NOD1: variants seen among roughly 807,000 people sequenced by gnomAD.
The protein encoded by NOD1 is nucleotide-binding oligomerization domain-containing protein 1.
Under a neutral mutation model 81.2 loss-of-function variants are expected in NOD1, and 70 were observed. The observed-to-expected ratio is 0.86, with a 90% confidence interval of 0.71 to 1.05. The LOEUF (loss-of-function observed/expected upper bound fraction) is 1.05, where lower values mean the gene tolerates loss of function less well. NOD1 is among the 50% of genes least tolerant of loss of function. NOD1 has a pLI of 0.00. For missense variants in NOD1, 1,233 were observed against 1,228.0 expected (o/e 1.00, Z -0.06); for synonymous variants, 508 against 526.9 (o/e 0.96, Z 0.49).
chr7:30,469,281 A>C, intron 1 of NOD1: 2 of 970,414 alleles, frequency 2.1e-6, no homozygotes, highest in Non-Finnish European at 2.4e-6. Context: ...GAAGCTTTTT[A>C]ACTCCATTGA....
chr7:30,465,520 C>T (rs1015131611), intron 1 of NOD1, among the ~76,000 whole-genome samples: 9 of 152,200 alleles, frequency 5.9e-5, no homozygotes, highest in Non-Finnish European at 1.0e-4. Flanking sequence ...CATGAGCAGA[C>T]AAGACTAGAC....
chr7:30,425,758 TC>T (rs1562646101), intron 13 of NOD1, 48 bp from the exon 14 acceptor site: 1 of 1,287,184 alleles, frequency 7.8e-7, no homozygotes, highest in Admixed American at 1.7e-5. Context: ...ATGTTAAGGA[TC>T]CTCGCACACT....
chr7:30,428,687 C>T (rs897578815), intron 13 of NOD1: 3 of 151,762 alleles, frequency 2.0e-5, no homozygotes, highest in Non-Finnish European at 2.9e-5. Flanking sequence ...TTTTAATTGG[C>T]TATGAAATTC....
Position 30,451,409 on chromosome 7 carries a change from G to C in NOD1, c.2008C>G (p.Leu670Val). 6.2e-7 allele frequency: 1 copy of C among 1,613,956 alleles called. No homozygotes were observed. Among genetic ancestry groups the C allele is most frequent in the Non-Finnish European group, 8.5e-7 (1 of 1,180,030 alleles). The change falls in exon 6 of 14, where the codon CTG (leucine) becomes GTG (valine). Residue 670 changes from leucine to valine, a missense_variant. Coordinates refer to ENST00000222823, the MANE Select transcript of NOD1 (RefSeq NM_006092.4). This position sits in a 1 kb window ranked among gnomAD's most constrained non-coding sequence, Gnocchi z 4.2. Reference sequence around the variant, plus strand: ...TTGGCGCAGATGCCCCTGGCCGCCAGCTGCCCCACCTTCTGGCTCTGTGTC... The same window carrying C: ...TTGGCGCAGATGCCCCTGGCCGCCACCTGCCCCACCTTCTGGCTCTGTGTC... ...YETQSQKVGQ[L>V]AARGICANYL...
intron 9 of NOD1, among the ~76,000 whole-genome samples, chr7:30,445,934 CA>C (rs1173960842): frequency 6.6e-6 from 1 of 151,876 alleles, no homozygotes; most frequent in Non-Finnish European, 1.5e-5. Context: ...AGGGTGGCTG[CA>C]AGAGGCAGGG....
chr7:30,433,162 A>G lies in NOD1; in HGVS notation c.2639T>C (p.Leu880Pro), dbSNP rs775682072. ...LEILWLTQNELNDEVAESLAE... is the reference protein window; with the variant it reads ...LEILWLTQNEPNDEVAESLAE... The stretch of plus-strand genomic sequence containing the variant: ...CAAACTCTCTGCCACTTCATCGTTG[A>G]GTTCATTTTGGGTCAGCCTAAGGAA... Residue 880 changes from leucine to proline, a missense_variant, in exon 12 of 14, where the codon CTC becomes CCC. Coordinates refer to ENST00000222823, the MANE Select transcript of NOD1 (RefSeq NM_006092.4). 4.3e-6 allele frequency: 7 copies of G among 1,613,992 alleles called. No individual in the cohort carries two copies. The highest frequency in any genetic ancestry group is 1.1e-5 in the South Asian group (1 of 91,072).
In NOD1 at chr7:30,478,169, CCT is replaced by C. The variant is rs899710933; in HGVS notation, c.-352+435_-352+436del. ...CTGCAGGCGGGACTCCATGAAGGCCCCTGTCTGCCCTTCCAGCCTTTGCCACA... is the reference window on the plus strand; with the variant it reads ...CTGCAGGCGGGACTCCATGAAGGCCCGTCTGCCCTTCCAGCCTTTGCCACA... On this transcript the variant is annotated intron_variant, in intron 1 of 13. Coordinates refer to ENST00000222823, the MANE Select transcript of NOD1 (RefSeq NM_006092.4). This position sits in a 1 kb window ranked among gnomAD's most constrained non-coding sequence, Gnocchi z 4.1. Among the ~76,000 whole-genome samples the C allele has an allele frequency of 6.6e-6, 1 of 152,168 alleles. No homozygotes were observed. Among genetic ancestry groups the C allele is most frequent in the Non-Finnish European group, 1.5e-5 (1 of 68,030 alleles).
rs758361828 is a variant in NOD1 at position 30,451,744 on chromosome 7, C to T, written c.1673G>A (p.Cys558Tyr). ...CTGGAACGGGAGGAAGGGAGGATAGCAGGACGTGGTCGCTGCCCCCGCAGG... is the reference window on the plus strand; with the variant it reads ...CTGGAACGGGAGGAAGGGAGGATAGTAGGACGTGGTCGCTGCCCCCGCAGG... ...MPPAGAATTSCYPPFLPFQCL... is the reference protein window; with the variant it reads ...MPPAGAATTSYYPPFLPFQCL... The change falls in exon 6 of 14, where the codon TGC becomes TAC. Residue 558 changes from cysteine to tyrosine, a missense_variant. Transcript: ENST00000222823. The surrounding 1 kb of genome is among the most constrained non-coding windows in gnomAD (Gnocchi z 4.2). The T allele has an allele frequency of 6.2e-7, 1 of 1,613,798 alleles. No individual in the cohort carries two copies. The highest frequency in any genetic ancestry group is 2.2e-5 in the East Asian group (1 of 44,866).
In NOD1 at chr7:30,452,409, G is replaced by A. The variant is rs553499560; in HGVS notation, c.1008C>T (p.Ile336=). Residue 336 remains isoleucine (I), a synonymous_variant, in exon 6 of 14, where the codon ATC becomes ATT. Coordinates refer to ENST00000222823, the MANE Select transcript of NOD1 (RefSeq NM_006092.4). ...ASKLLTARTG[I]EVPRQFLRKK... is the part of the protein sequence containing the mutation. ...TCCGCAGGAACTGGCGCGGGACCTC[G>A]ATGCCTGTGCGGGCTGTGAGCAGCT... is the stretch of plus-strand genomic sequence containing the variant. 3.0e-5 allele frequency: 48 copies of A among 1,613,334 alleles called. 1 individual carries two copies. In the South Asian group the frequency reaches 4.9e-4, roughly 17 times the overall value.
At chr7:30,455,854 G>A (rs750648527) in intron 4 of NOD1, among the ~76,000 whole-genome samples, 2 of 151,994 alleles carry the variant, frequency 1.3e-5, no homozygotes, top group African/African-American at 2.4e-5. Flanking sequence ...TGCCTGCCTC[G>A]GCCTCCCAAA....
At chr7:30,474,782 G>A (rs1056697473) in intron 1 of NOD1, among the ~76,000 whole-genome samples, 5 of 152,182 alleles carry the variant, frequency 3.3e-5, no homozygotes. Flanking sequence ...TTGGATCCTG[G>A]TTCTGACTCC....
At chr7:30,438,041 G>T (rs1384878892) in intron 9 of NOD1, among the ~76,000 whole-genome samples, 5 of 152,258 alleles carry the variant, frequency 3.3e-5, no homozygotes, top group Non-Finnish European at 1.5e-5. Context: ...GGAAGGCCGT[G>T]TGCAGGTGCT....
rs149440424 is a variant in NOD1 at position 30,434,203 on chromosome 7, G to A, written c.2622-1024C>T. Among the ~76,000 whole-genome samples, 10 of 152,298 alleles carry A rather than the reference G, an allele frequency of 6.6e-5. No homozygotes were observed. The East Asian group carries it at 1.2e-3, about 18-fold the overall frequency. ...GGTCTGAGTTTTCTCACTGGTGAAC[G>A]TTAACAGTAGAGATCGTATAGAGTG... On this transcript the variant is annotated intron_variant, in intron 11 of 13. Coordinates refer to ENST00000222823, the MANE Select transcript of NOD1 (RefSeq NM_006092.4).
chr7:30,477,605 C>G (rs1420202460), intron 1 of NOD1, among the ~76,000 whole-genome samples: 4 of 152,152 alleles, frequency 2.6e-5, no homozygotes, highest in African/African-American at 7.2e-5. Flanking sequence ...ACCTCTGCCT[C>G]CCGGGTTCAA....
intron 8 of NOD1, 112 bp downstream of exon 8, chr7:30,446,855 A>T: frequency 1.2e-6 from 1 of 852,422 alleles, no homozygotes; most frequent in South Asian, 1.7e-5. Context: ...TGGCCCTGGG[A>T]CAAGTGGAAG....
rs1562689069 is a variant in NOD1 at position 30,452,740 on chromosome 7, G to T, written c.677C>A (p.Ala226Glu). 4 of 1,613,912 alleles carry T rather than the reference G, an allele frequency of 2.5e-6. No individual in the cohort carries two copies. The highest frequency in any genetic ancestry group is 3.3e-5 in the Admixed American group (2 of 60,010). ...QSLWATGRLD[A>E]GVKFFFHFRC... ...AAAGTGGAAGAAGAATTTGACCCCT[G>T]CGTCTAGCCGGCCCGTGGCCCAGAG... is the stretch of plus-strand genomic sequence containing the variant. Residue 226 changes from alanine (A) to glutamate (E), a missense_variant, in exon 6 of 14, where the codon GCA (alanine) becomes GAA (glutamate). Ala to Glu is a moderately radical substitution (Grantham distance 107, BLOSUM62 -1). Transcript: ENST00000222823.
chr7:30,429,320 G>A, intron 13 of NOD1, 54 bp downstream of exon 13: 1 of 1,437,422 alleles, frequency 7.0e-7, no homozygotes, highest in South Asian at 1.1e-5. Context: ...ACAGTCAGTG[G>A]TGGTGAGTAA....
At chr7:30,469,387 G>A (rs1331669592) in intron 1 of NOD1, among the ~76,000 whole-genome samples, 3 of 151,942 alleles carry the variant, frequency 2.0e-5, no homozygotes, top group African/African-American at 4.8e-5. Context: ...TCTCTCTCCC[G>A]GCTTCCTTCC....
chr7:30,460,286 A>G (rs940525919), intron 1 of NOD1: 2 of 985,348 alleles, frequency 2.0e-6, no homozygotes, highest in African/African-American at 3.5e-5. Context: ...ATGGGCACTT[A>G]TTACCAGAAA....
Sources: allele counts gnomAD v4.1 joint callset (sites outside exome capture counted in the v4.1 genomes callset), GRCh38; gene constraint gnomAD v4.1.1; non-coding constraint Gnocchi (gnomAD v3.1); transcripts MANE v1.5; gene names NCBI Gene and HGNC (gene_info 2026-07-23, HGNC 2026-07-21).